The following DNAJC11 variants were observed in gnomAD, a reference collection of about 807,000 sequenced individuals.
DNAJC11 encodes the protein dnaJ homolog subfamily C member 11.
Under a neutral mutation model 78.6 loss-of-function variants are expected in DNAJC11, and 15 were observed. The ratio of observed to expected loss-of-function variants is 0.19; its 90% CI spans 0.13 to 0.29. The LOEUF (loss-of-function observed/expected upper bound fraction) is 0.29. DNAJC11 is among the 10% of genes least tolerant of loss of function. DNAJC11 has a pLI of 1.00. For missense variants in DNAJC11, 547 were observed against 709.6 expected (o/e 0.77, Z 2.60); for synonymous variants, 292 against 272.1 (o/e 1.07, Z -0.72).
intron 4 of DNAJC11, among the ~76,000 whole-genome samples, chr1:6,657,862 G>A (rs1055337639): frequency 1.3e-5 from 2 of 152,212 alleles, no homozygotes; most frequent in Non-Finnish European, 2.9e-5. Context: ...AGCCAGGATG[G>A]TCTCGATCTC....
chr1:6,636,132 G>T lies in DNAJC11; in HGVS notation c.1639C>A (p.Arg547=). ...GGCTACTCACACTGCTTTGGTATCC[G>T]GAGGGCCTCACTGTCCAGCACCATC... ...QVMVLDSEAL[R]IPKQSHRIDT... Residue 547 remains arginine (R), a synonymous_variant, in exon 15 of 16, where the codon CGG becomes AGG. Coordinates refer to ENST00000377577, the MANE Select transcript of DNAJC11 (RefSeq NM_018198.4). The T allele has an allele frequency of 6.2e-7, 1 of 1,614,016 alleles. No individual in the cohort carries two copies. Among genetic ancestry groups the T allele is most frequent in the Admixed American group, 1.7e-5 (1 of 59,976 alleles).
At chr1:6,668,502 C>T (rs554279234) in intron 3 of DNAJC11, among the ~76,000 whole-genome samples, 14 of 152,224 alleles carry the variant, frequency 9.2e-5, no homozygotes, top group East Asian at 3.9e-4. Flanking sequence ...AATATCAAGA[C>T]GAAGGCAAGC....
At chr1:6,638,786 C>T (rs1042326236) in intron 11 of DNAJC11, among the ~76,000 whole-genome samples, 6 of 152,214 alleles carry the variant, frequency 3.9e-5, no homozygotes, top group South Asian at 2.1e-4. Context: ...CTCGGCCTCC[C>T]GAAGTGCTAG....
chr1:6,668,794 A>G (rs1642331353), intron 3 of DNAJC11, among the ~76,000 whole-genome samples: 1 of 152,142 alleles, frequency 6.6e-6, no homozygotes, highest in Admixed American at 6.5e-5. Context: ...GAACCTTAGA[A>G]TGTGGGCTGT....
chr1:6,678,229 C>T (rs1372202448), intron 3 of DNAJC11, among the ~76,000 whole-genome samples, 165 bp downstream of exon 3: 1 of 152,166 alleles, frequency 6.6e-6, no homozygotes, highest in African/African-American at 2.4e-5. Flanking sequence ...GTGGCAAAGC[C>T]AAGTCCAAAA....
At chr1:6,695,114 C>T (rs1485634063) in intron 1 of DNAJC11, among the ~76,000 whole-genome samples, 1 of 150,680 alleles carries the variant, frequency 6.6e-6, no homozygotes, top group Middle Eastern at 3.4e-3. Flanking sequence ...CCACTGCGCT[C>T]CAGCCTGGGT....
chr1:6,645,218 G>T lies in DNAJC11; in HGVS notation c.895-92C>A. The T allele has an allele frequency of 1.0e-6, 1 of 987,722 alleles. No homozygotes were observed. Among genetic ancestry groups the T allele is most frequent in the Non-Finnish European group, 1.6e-6 (1 of 621,984 alleles). 61.2% of individuals were successfully genotyped at this position (987,722 alleles called of 1,614,324 possible). A position where few individuals can be genotyped will look rare whatever the true frequency, so the allele number is the denominator to read the frequency against. On this transcript the variant is annotated intron_variant, in intron 8 of 15. Coordinates refer to ENST00000377577, the MANE Select transcript of DNAJC11 (RefSeq NM_018198.4). This position sits in a 1 kb window ranked among gnomAD's most constrained non-coding sequence, Gnocchi z 4.1. ...GCCCTCCCACTAGCTCTGGGCATCTGCTGCACACAGGCCTTTAAGGCAGGG... is the reference window on the plus strand; with the variant it reads ...GCCCTCCCACTAGCTCTGGGCATCTTCTGCACACAGGCCTTTAAGGCAGGG...
intron 4 of DNAJC11, among the ~76,000 whole-genome samples, chr1:6,665,360 C>T (rs998433293): frequency 5.9e-5 from 9 of 152,174 alleles, no homozygotes; most frequent in Non-Finnish European, 7.3e-5. Context: ...TGCACCACCA[C>T]GCCCATCCTC....
chr1:6,652,062 G>A (rs1340073741), intron 6 of DNAJC11, among the ~76,000 whole-genome samples: 1 of 152,212 alleles, frequency 6.6e-6, no homozygotes, highest in Non-Finnish European at 1.5e-5. Context: ...TCAGGAGCCT[G>A]ATGTTAAAGC....
intron 2 of DNAJC11, 146 bp from the exon 3 acceptor site, chr1:6,678,613 A>G: frequency 3.0e-6 from 2 of 670,264 alleles, no homozygotes; most frequent in South Asian, 3.9e-5. Context: ...TTTTCTACAC[A>G]TCTTTCCTCC....
intron 1 of DNAJC11, among the ~76,000 whole-genome samples, chr1:6,695,095 G>A (rs1453763517): frequency 2.0e-5 from 3 of 150,454 alleles, no homozygotes; most frequent in Non-Finnish European, 3.0e-5. Flanking sequence ...GCAATGAGCC[G>A]AGATTGTGCC....
chr1:6,668,583 CT>C (rs1642327914), intron 3 of DNAJC11, among the ~76,000 whole-genome samples: 1 of 152,110 alleles, frequency 6.6e-6, no homozygotes, highest in East Asian at 1.9e-4. Flanking sequence ...GGATCTCGAG[CT>C]GTCGGGTCTA....
intron 1 of DNAJC11, among the ~76,000 whole-genome samples, chr1:6,691,656 G>T (rs933438405): frequency 6.6e-5 from 10 of 152,276 alleles, no homozygotes; most frequent in Non-Finnish European, 1.3e-4. Flanking sequence ...TACTGCTGAA[G>T]AATTTTCTGG....
chr1:6,643,992 T>A (rs1239590530), intron 10 of DNAJC11, among the ~76,000 whole-genome samples: 3 of 152,006 alleles, frequency 2.0e-5, no homozygotes, highest in Non-Finnish European at 4.4e-5. Flanking sequence ...TGCCTCAGCC[T>A]CCCGAGTACC....
intron 3 of DNAJC11, among the ~76,000 whole-genome samples, chr1:6,674,486 C>T (rs907369092): frequency 2.0e-5 from 3 of 151,912 alleles, no homozygotes; most frequent in South Asian, 2.1e-4. Context: ...ACTTGAACCC[C>T]GGAAGCAGAG....
At position 6,644,016 on chromosome 1, in the gene DNAJC11, A is replaced by G. The variant is rs554214383; in HGVS notation, c.1097+542T>C. On this transcript the variant is annotated intron_variant, in intron 10 of 15. Coordinates refer to ENST00000377577, the MANE Select transcript of DNAJC11 (RefSeq NM_018198.4). Reference sequence around the variant, plus strand: ...CTCCCGAGTACCTGGGACTACAGGCACCCGCCACCACCCCTGGCTAATTTT... The same window carrying G: ...CTCCCGAGTACCTGGGACTACAGGCGCCCGCCACCACCCCTGGCTAATTTT... 2.6e-5 allele frequency among the ~76,000 whole-genome samples: 4 copies of G among 151,120 alleles called. No homozygotes were observed. In the East Asian group the frequency reaches 7.9e-4, roughly 30 times the overall value.
At chr1:6,675,613 C>T (rs997145962) in intron 3 of DNAJC11, among the ~76,000 whole-genome samples, 2 of 152,022 alleles carry the variant, frequency 1.3e-5, no homozygotes, top group African/African-American at 4.8e-5. Context: ...TGTAGAGATG[C>T]GATCTCACTG....
At chr1:6,699,055 C>T (rs908194453) in intron 1 of DNAJC11, among the ~76,000 whole-genome samples, 6 of 151,290 alleles carry the variant, frequency 4.0e-5, no homozygotes, top group Non-Finnish European at 8.8e-5. Flanking sequence ...CCTGTAATCC[C>T]GGCACTTTGG....
chr1:6,677,292 GTTTC>G (rs930181143), intron 3 of DNAJC11, among the ~76,000 whole-genome samples: 5 of 151,908 alleles, frequency 3.3e-5, no homozygotes, highest in African/African-American at 1.2e-4. Flanking sequence ...TCAGAACCAA[GTTTC>G]TTTCTTTTTT....
Sources: gnomAD v4.1 joint callset for allele counts (sites outside exome capture counted in the v4.1 genomes callset) on GRCh38, gnomAD v4.1.1 for gene constraint, Gnocchi (gnomAD v3.1) non-coding constraint, MANE v1.5 for transcripts, NCBI Gene and HGNC (gene_info 2026-07-23, HGNC 2026-07-21) for gene names.